Variants in HRH4 observed in about 807,000 individuals in gnomAD.
The protein encoded by HRH4 is histamine receptor H4.
In HRH4, 12 loss-of-function variants were observed where a neutral mutation model predicts 10.4. The ratio of observed to expected loss-of-function variants is 1.15; its 90% confidence interval spans 0.74 to 1.87. The LOEUF is 1.87. HRH4 is among the 40% of genes most tolerant of loss of function. HRH4 has a pLI of 0.00. For synonymous variants in HRH4, 154 were observed against 166.6 expected (o/e 0.92, Z 0.58); for missense variants, 415 against 453.3 (o/e 0.92, Z 0.77).
chr18:24,468,322 G>A lies in HRH4; in HGVS notation c.194-466G>A, dbSNP rs367920708. ...CTCTCAAAGTGCTGGGATTACAGGC[G>A]TGAGTTACCACGCCCGGCCCCTCCC... On this transcript the variant is annotated intron_variant, in intron 1 of 2. Coordinates refer to ENST00000256906, the MANE Select transcript of HRH4 (RefSeq NM_021624.4). 1.5e-3 allele frequency among the ~76,000 whole-genome samples: 222 copies of A among 152,278 alleles called. 2 individuals are homozygous for A. Among genetic ancestry groups the A allele is most frequent in the African/African-American group, 5.0e-3 (209 of 41,540 alleles).
In HRH4 at chr18:24,477,144, G is replaced by C. The variant is rs1351309174; in HGVS notation, c.755G>C (p.Arg252Thr). ...TEVPASFHSE[R>T]QRRKSSLMFS... is the part of the protein sequence containing the mutation. ...GTTCCTGCATCCTTTCATTCAGAGAGACAGAGGAGAAAGAGTAGTCTCATG... is the reference window on the plus strand; with the variant it reads ...GTTCCTGCATCCTTTCATTCAGAGACACAGAGGAGAAAGAGTAGTCTCATG... The change falls in exon 3 of 3, where the codon AGA (arginine) becomes ACA (threonine). Residue 252 changes from arginine to threonine, a missense_variant. By Grantham distance (71) the Arg-to-Thr change is moderately conservative. Transcript: ENST00000256906. 1 of 1,614,166 alleles carries C rather than the reference G, an allele frequency of 6.2e-7. No homozygotes were observed. The highest frequency in any genetic ancestry group is 8.5e-7 in the Non-Finnish European group (1 of 1,180,036).
rs765984352 is a variant in HRH4, at chr18:24,468,894, A to G, written c.300A>G (p.Ala100=). ...CTACTGACTATCTGTTATGTACAGC[A>G]TCTGTATATAACATTGTCCTCATCA... ...WLTTDYLLCT[A]SVYNIVLISY... The change falls in exon 2 of 3, where the codon GCA becomes GCG. Residue 100 remains alanine (A), a synonymous_variant. Coordinates refer to ENST00000256906, the MANE Select transcript of HRH4 (RefSeq NM_021624.4). 1.9e-6 allele frequency: 3 copies of G among 1,611,262 alleles called. No individual in the cohort carries two copies.
chr18:24,466,348 C>T (rs1382028618), intron 1 of HRH4, among the ~76,000 whole-genome samples: 1 of 146,854 alleles, frequency 6.8e-6, no homozygotes, highest in African/African-American at 2.5e-5. Context: ...GTCTCCAACT[C>T]CTGAGCTCAA....
intron 2 of HRH4, among the ~76,000 whole-genome samples, chr18:24,469,721 T>C (rs1909883530): frequency 6.6e-6 from 1 of 152,184 alleles, no homozygotes; most frequent in Non-Finnish European, 1.5e-5. Context: ...AGTGCTGGGA[T>C]ACAGAAGTGA....
chr18:24,466,879 A>G (rs376076745), intron 1 of HRH4, among the ~76,000 whole-genome samples: 4 of 152,254 alleles, frequency 2.6e-5, no homozygotes, highest in East Asian at 1.9e-4. Flanking sequence ...TGAAATGCCA[A>G]TGCAATTACA....
chr18:24,477,079 T>C lies in HRH4; in HGVS notation c.690T>C (p.Gly230=), dbSNP rs771350108. 1.9e-6 allele frequency: 3 copies of C among 1,614,216 alleles called. No homozygotes were observed. Among genetic ancestry groups the C allele is most frequent in the Admixed American group, 1.7e-5 (1 of 60,014 alleles). Residue 230 remains glycine, a synonymous_variant, in exon 3 of 3, where the codon GGT becomes GGC. Coordinates refer to ENST00000256906, the MANE Select transcript of HRH4 (RefSeq NM_021624.4). The part of the protein sequence containing the change: ...SSNICGHSFR[G]RLSSRRSLSA... ...ACATCTGTGGACACTCATTCAGAGG[T>C]AGACTATCTTCAAGGAGATCTCTTT... is the stretch of plus-strand genomic sequence containing the variant.
At chr18:24,471,072 T>A (rs768770724) in intron 2 of HRH4, among the ~76,000 whole-genome samples, 1 of 151,204 alleles carries the variant, frequency 6.6e-6, no homozygotes, top group Non-Finnish European at 1.5e-5. Context: ...AGGAAGGAGG[T>A]GAGAATGGAT....
chr18:24,466,497 T>C (rs566947911), intron 1 of HRH4, among the ~76,000 whole-genome samples: 7 of 152,146 alleles, frequency 4.6e-5, no homozygotes, highest in African/African-American at 1.4e-4. Flanking sequence ...AGTTTACTTA[T>C]CATTAAAAAT....
At chr18:24,463,664 CTG>C (rs1909698345) in intron 1 of HRH4, among the ~76,000 whole-genome samples, 1 of 152,190 alleles carries the variant, frequency 6.6e-6, no homozygotes, top group Non-Finnish European at 1.5e-5. Flanking sequence ...GTGCTTGGAA[CTG>C]TGGCTTTGCT....
intron 2 of HRH4, among the ~76,000 whole-genome samples, chr18:24,474,711 A>G (rs1014469655): frequency 2.4e-5 from 3 of 124,550 alleles, no homozygotes; most frequent in Non-Finnish European, 3.4e-5. Flanking sequence ...TTTTTTTTTG[A>G]GAGTCTCACT....
chr18:24,474,339 G>A (rs1390276980), intron 2 of HRH4, among the ~76,000 whole-genome samples: 3 of 150,376 alleles, frequency 2.0e-5, no homozygotes, highest in African/African-American at 7.3e-5. Flanking sequence ...AAAAAGACCA[G>A]CAATTTGAGA....
chr18:24,479,589 C>T lies in HRH4; in HGVS notation c.*2027C>T, dbSNP rs1416640456. 1 of 152,204 alleles carries T rather than the reference C, an allele frequency of 6.6e-6. No homozygotes were observed. The highest frequency in any genetic ancestry group is 1.5e-5 in the Non-Finnish European group (1 of 68,042). The allele number at this position is 152,204 out of a possible 1,614,324, so 9.4% of individuals were successfully genotyped here. A position where few individuals can be genotyped will look rare whatever the true frequency, so the allele number is the denominator to read the frequency against. The stretch of plus-strand genomic sequence containing the variant: ...TCAGCCTCCAGAGTAGCTGGGACCG[C>T]AGGCACTTGCCACCACGCCCCACTA... On this transcript the variant is annotated 3_prime_UTR_variant, in exon 3 of 3. Coordinates refer to ENST00000256906, the MANE Select transcript of HRH4 (RefSeq NM_021624.4).
chr18:24,477,516 A>G lies in HRH4; in HGVS notation c.1127A>G (p.Lys376Arg). 10 of 1,605,718 alleles carry G rather than the reference A, an allele frequency of 6.2e-6. No homozygotes were observed. Among genetic ancestry groups the G allele is most frequent in the Non-Finnish European group, 7.7e-6 (9 of 1,175,800 alleles). Residue 376 changes from lysine to arginine, a missense_variant, in exon 3 of 3, where the codon AAA (lysine) becomes AGA (arginine). By Grantham distance (26) the Lys-to-Arg change is conservative. Coordinates refer to ENST00000256906, the MANE Select transcript of HRH4 (RefSeq NM_021624.4). ...QKAFLKIFCI[K>R]KQPLPSQHSR... is the part of the protein sequence containing the mutation. ...GCTTTCTTGAAAATATTTTGTATAA[A>G]AAAGCAACCTCTACCATCACAACAC...
intron 2 of HRH4, among the ~76,000 whole-genome samples, chr18:24,471,605 T>TA (rs1326474848): frequency 1.0e-4 from 1 of 9,912 alleles, no homozygotes. Flanking sequence ...AGACTCCATC[T>TA]CAAAAAAAAA....
chr18:24,468,949 G>A lies in HRH4; in HGVS notation c.355G>A (p.Ala119Thr). The A allele has an allele frequency of 6.3e-7, 1 of 1,594,556 alleles. No individual in the cohort carries two copies. Among genetic ancestry groups the A allele is most frequent in the Non-Finnish European group, 8.5e-7 (1 of 1,170,598 alleles). ...SYDRYLSVSNAVSYRTQHTGV... is the reference protein window; with the variant it reads ...SYDRYLSVSNTVSYRTQHTGV... ...TGATCGATACCTGTCAGTCTCAAAT[G>A]CTGTAAGTCGAAACATTAATTTATC... The change falls in exon 2 of 3, where the codon GCT becomes ACT. Residue 119 changes from alanine (A) to threonine (T), a missense_variant and splice_region_variant. Transcript: ENST00000256906.
rs116715978 is a variant in HRH4, at chr18:24,477,390, G to C, written c.1001G>C (p.Gly334Ala). ...IVLSFYSSAT[G>A]PKSVWYRIAF... ...CTTTCATTTTATTCCTCAGCAACAG[G>C]TCCTAAATCAGTTTGGTATAGAATT... is the stretch of plus-strand genomic sequence containing the variant. Residue 334 changes from glycine to alanine, a missense_variant, in exon 3 of 3, where the codon GGT becomes GCT. Coordinates refer to ENST00000256906, the MANE Select transcript of HRH4 (RefSeq NM_021624.4). The C allele has an allele frequency of 6.2e-7, 1 of 1,614,074 alleles. No individual in the cohort carries two copies. The highest frequency in any genetic ancestry group is 1.7e-5 in the Admixed American group (1 of 60,010).
chr18:24,470,943 C>A (rs1354454844), intron 2 of HRH4, among the ~76,000 whole-genome samples: 2 of 147,362 alleles, frequency 1.4e-5, no homozygotes, highest in East Asian at 2.0e-4. Flanking sequence ...TTTTTTTTAA[C>A]CAAGTAGTGC....
At chr18:24,475,229 T>A (rs919585558) in intron 2 of HRH4, among the ~76,000 whole-genome samples, 30 of 152,130 alleles carry the variant, frequency 2.0e-4, no homozygotes, top group African/African-American at 7.0e-4. Context: ...ATATTCTTCA[T>A]CCTTAAAAAA....
intron 2 of HRH4, among the ~76,000 whole-genome samples, chr18:24,469,697 C>G (rs759689329): frequency 6.6e-6 from 1 of 152,208 alleles, no homozygotes; most frequent in Non-Finnish European, 1.5e-5. Flanking sequence ...TACTGTGTGA[C>G]AGGCATTTTG....
Sources: allele counts gnomAD v4.1 joint callset (sites outside exome capture counted in the v4.1 genomes callset), GRCh38; gene constraint gnomAD v4.1.1; transcripts MANE v1.5; gene names NCBI Gene and HGNC (gene_info 2026-07-23, HGNC 2026-07-21).